Variants in PARVG observed in about 807,000 individuals in gnomAD.
PARVG encodes the protein gamma-parvin.
A neutral mutation model predicts 44.4 loss-of-function variants in PARVG; 36 were observed. The observed-to-expected ratio is 0.81, with a 90% confidence interval of 0.62 to 1.07. The LOEUF (loss-of-function observed/expected upper bound fraction) is 1.07, where lower values mean the gene tolerates loss of function less well. Ranked by LOEUF, PARVG falls within the 50% of genes least tolerant of loss-of-function variation. The pLI is 0.00. For missense variants in PARVG, 407 were observed against 407.4 expected (o/e 1.00, Z 0.01); for synonymous variants, 170 against 174.1 (o/e 0.98, Z 0.19).
chr22:44,198,946 C>A (rs1415488622), intron 12 of PARVG, among the ~76,000 whole-genome samples: 2 of 83,868 alleles, frequency 2.4e-5, no homozygotes, highest in African/African-American at 8.1e-5. Context: ...ATCCACCCAC[C>A]CATCCATCCA....
intron 2 of PARVG, chr22:44,183,025 G>A (rs374738330): frequency 9.7e-6 from 4 of 412,146 alleles, no homozygotes; most frequent in African/African-American, 6.3e-5. Context: ...CAGGAGCACG[G>A]TGGGCGGCCG....
At chr22:44,181,304 G>A (rs987378009) in intron 1 of PARVG, 119 bp downstream of exon 1, 7 of 983,868 alleles carry the variant, frequency 7.1e-6, no homozygotes, top group Non-Finnish European at 8.4e-6. Context: ...ACTCCTCCGA[G>A]GGCTTGTGGG....
upstream of PARVG, chr22:44,180,854 AAGGGTAGATAGCTT>A (rs1379982595): frequency 1.2e-5 from 11 of 950,208 alleles, no homozygotes; most frequent in Non-Finnish European, 1.4e-5. Flanking sequence ...ACCTGTCAGA[AAGGGTAGATAGCTT>A]CCCAGTCACC....
At chr22:44,195,558 C>G (rs115526229) in intron 9 of PARVG, among the ~76,000 whole-genome samples, 1 of 152,242 alleles carries the variant, frequency 6.6e-6, no homozygotes, top group Non-Finnish European at 1.5e-5. Context: ...GGGCCTGAGC[C>G]GCTGTTCCCA....
rs1388933649 is a variant in PARVG, at chr22:44,208,233, A to G, written c.*1807A>G. On this transcript the variant is annotated 3_prime_UTR_variant, in exon 14 of 14. Coordinates refer to ENST00000444313, the MANE Select transcript of PARVG (RefSeq NM_022141.7). Reference sequence around the variant, plus strand: ...TTATTTAATTACTGTAGCTTTATTGAAAAATAACTTCCCAGTTTGAAGTGT... The same window carrying G: ...TTATTTAATTACTGTAGCTTTATTGGAAAATAACTTCCCAGTTTGAAGTGT... 1 of 152,254 alleles carries G rather than the reference A, an allele frequency of 6.6e-6. No homozygotes were observed. Among genetic ancestry groups the G allele is most frequent in the Non-Finnish European group, 1.5e-5 (1 of 68,046 alleles). 9.4% of individuals were successfully genotyped at this position (152,254 alleles called of 1,614,324 possible).
At chr22:44,191,885 G>C (rs1472330903) in intron 7 of PARVG, among the ~76,000 whole-genome samples, 164 bp from the exon 8 acceptor site, 9 of 152,182 alleles carry the variant, frequency 5.9e-5, no homozygotes, top group Non-Finnish European at 1.0e-4. Flanking sequence ...GCCTTGGGGA[G>C]TGAGGCAGAC....
Position 44,206,503 on chromosome 22 carries a change from A to G in PARVG, c.*77A>G. On this transcript the variant is annotated 3_prime_UTR_variant, in exon 14 of 14. Transcript: ENST00000444313. ...CCGAGGCTGCAGGGTGTCCTCCCAC[A>G]GTCCCGCTGTTTCCTGTGCATTCGT... is the stretch of plus-strand genomic sequence containing the variant. 7.7e-7 allele frequency: 1 copy of G among 1,290,330 alleles called. No individual in the cohort carries two copies. The highest frequency in any genetic ancestry group is 1.8e-5 in the Admixed American group (1 of 57,062). The allele number at this position is 1,290,330 out of a possible 1,614,324, so 79.9% of individuals were successfully genotyped here.
Position 44,196,182 on chromosome 22 carries a change from T to C in PARVG, c.611T>C (p.Leu204Pro), listed in dbSNP as rs537059683. The C allele has an allele frequency of 6.2e-7, 1 of 1,614,196 alleles. No individual in the cohort carries two copies. The highest frequency in any genetic ancestry group is 1.1e-5 in the South Asian group (1 of 91,080). The change falls in exon 10 of 14, where the codon CTG (leucine) becomes CCG (proline). Residue 204 changes from leucine (L) to proline (P), a missense_variant. Physicochemically the swap from Leu to Pro is moderately conservative, Grantham distance 98 (BLOSUM62 -3). Transcript: ENST00000444313. Reference sequence around the variant, plus strand: ...GACGTCTTTGATGAATTATTTAAGCTGGCTCCGGAGAAAGTGAACGCAGTG... The same window carrying C: ...GACGTCTTTGATGAATTATTTAAGCCGGCTCCGGAGAAAGTGAACGCAGTG... The part of the protein sequence containing the change: ...PKDVFDELFK[L>P]APEKVNAVKE...
chr22:44,180,905 GC>G (rs2054365680), upstream of PARVG: 1 of 985,366 alleles, frequency 1.0e-6, no homozygotes, highest in African/African-American at 1.7e-5. Flanking sequence ...CACCATTTCA[GC>G]CCGGATGGTG....
chr22:44,190,236 G>A (rs1049373845), intron 6 of PARVG, among the ~76,000 whole-genome samples: 5 of 152,172 alleles, frequency 3.3e-5, no homozygotes, highest in Non-Finnish European at 5.9e-5. Context: ...TCTAATGATC[G>A]TTCAGCCAGT....
intron 1 of PARVG, among the ~76,000 whole-genome samples, chr22:44,174,526 A>T (rs982684355): frequency 2.0e-5 from 3 of 147,684 alleles, no homozygotes; most frequent in African/African-American, 7.5e-5. Context: ...GGCCAACATG[A>T]CAAAACCCTG....
At chr22:44,201,339 C>G (rs2054705613) in intron 12 of PARVG, among the ~76,000 whole-genome samples, 1 of 152,162 alleles carries the variant, frequency 6.6e-6, no homozygotes, top group African/African-American at 2.4e-5. Context: ...CAGAGGGGAG[C>G]CCAGGGCCCG....
intron 11 of PARVG, among the ~76,000 whole-genome samples, chr22:44,196,671 G>C (rs1344577205): frequency 6.6e-6 from 1 of 152,150 alleles, no homozygotes; most frequent in Non-Finnish European, 1.5e-5. Context: ...GCTTCTCATT[G>C]TTATAATTTT....
chr22:44,205,861 C>T (rs569190310), intron 13 of PARVG, 32 bp downstream of exon 13: 2 of 1,607,382 alleles, frequency 1.2e-6, no homozygotes, highest in African/African-American at 2.7e-5. Context: ...ACACGGTGGC[C>T]AGCCCTGGGT....
At chr22:44,199,774 A>T (rs1212989219) in intron 12 of PARVG, among the ~76,000 whole-genome samples, 1 of 152,180 alleles carries the variant, frequency 6.6e-6, no homozygotes, top group African/African-American at 2.4e-5. Context: ...GGGAGGGAAT[A>T]GCATCAGCAA....
chr22:44,190,529 C>A (rs750449373), intron 6 of PARVG, 22 bp from the exon 7 acceptor site: 1 of 1,595,238 alleles, frequency 6.3e-7, no homozygotes, highest in South Asian at 1.1e-5. Flanking sequence ...TGGGCTCTGA[C>A]CTGTCTCCAC....
chr22:44,181,855 GGAA>G lies in PARVG; in HGVS notation c.-74_-72del, dbSNP rs2054384396. The G allele has an allele frequency of 1.0e-6, 1 of 985,368 alleles. No homozygotes were observed. Among genetic ancestry groups the G allele is most frequent in the Non-Finnish European group, 1.2e-6 (1 of 830,006 alleles). The allele number at this position is 985,368 out of a possible 1,614,324, so 61.0% of individuals were successfully genotyped here. On this transcript the variant is annotated 5_prime_UTR_variant, in exon 2 of 14. Transcript: ENST00000444313. ...AAGAACCCGGAACTTGCTTCCATTCGGAATCCAGGGACCACCCTTTGCACTCAG... is the reference window on the plus strand; with the variant it reads ...AAGAACCCGGAACTTGCTTCCATTCGTCCAGGGACCACCCTTTGCACTCAG...
chr22:44,173,138 C>A (rs1185328215), exon 1 of PARVG: 2 of 1,287,686 alleles, frequency 1.6e-6, no homozygotes, highest in Middle Eastern at 2.1e-4. Flanking sequence ...TTTGGGAACC[C>A]CAAACTTCTG....
chr22:44,179,922 C>T (rs543244815), upstream of PARVG, among the ~76,000 whole-genome samples: 26 of 152,304 alleles, frequency 1.7e-4, 1 homozygote, highest in Admixed American at 1.0e-3. This position sits in a 1 kb window ranked among gnomAD's most constrained non-coding sequence, Gnocchi z 4.2. Context: ...AGGAAGCTGC[C>T]GAGTCAGGCT....
Sources: gnomAD v4.1 joint callset for allele counts (sites outside exome capture counted in the v4.1 genomes callset) on GRCh38, gnomAD v4.1.1 for gene constraint, Gnocchi (gnomAD v3.1) non-coding constraint, MANE v1.5 for transcripts, NCBI Gene and HGNC (gene_info 2026-07-23, HGNC 2026-07-21) for gene names.